The following L3MBTL4 variants were observed in gnomAD, a reference collection of about 807,000 sequenced individuals.
The protein encoded by L3MBTL4 is L3MBTL histone methyl-lysine binding protein 4, also known as lethal(3)malignant brain tumor-like protein 4.
Under a neutral mutation model 84.5 loss-of-function variants are expected in L3MBTL4, and 70 were observed. The ratio of observed to expected loss-of-function variants is 0.83; its 90% CI spans 0.68 to 1.01. L3MBTL4 has a LOEUF of 1.01. Ranked by LOEUF, L3MBTL4 falls within the 50% of genes least tolerant of loss-of-function variation. L3MBTL4 has a pLI of 0.00. For synonymous variants in L3MBTL4, 274 were observed against 259.8 expected, an observed-to-expected ratio of 1.05 and a Z score of -0.52; for missense variants, 715 against 754.8, an observed-to-expected ratio of 0.95 and a Z score of 0.62.
rs553570486 is a variant in L3MBTL4, at chr18:5,997,003, C to T, written c.1445-27441G>A. Among the ~76,000 whole-genome samples, 32 of 141,982 alleles carry T rather than the reference C, an allele frequency of 2.3e-4. 3 individuals carry two copies. The highest frequency in any genetic ancestry group is 1.4e-3 in the Admixed American group (21 of 14,810). 93.1% of individuals were successfully genotyped at this position (141,982 alleles called of 152,430 possible). On this transcript the variant is annotated intron_variant, in intron 16 of 18. Transcript: ENST00000317931. ...GTGCATTTTAGAAGCACAATTGATC[C>T]TCAGTATCCATGTCATGGATTCAAC...
intron 16 of L3MBTL4, among the ~76,000 whole-genome samples, chr18:6,015,353 T>C (rs896501156): frequency 3.9e-5 from 6 of 151,916 alleles, no homozygotes; most frequent in East Asian, 3.9e-4. Context: ...TTTGAGAAGA[T>C]TGCAGAAGGT....
intron 16 of L3MBTL4, among the ~76,000 whole-genome samples, chr18:5,987,812 A>G (rs2053531816): frequency 6.6e-6 from 1 of 152,162 alleles, no homozygotes; most frequent in Non-Finnish European, 1.5e-5. Context: ...ATTCAAATCT[A>G]TTATGCCAAT....
intron 1 of L3MBTL4, among the ~76,000 whole-genome samples, chr18:6,318,664 C>G (rs1389844186): frequency 6.6e-6 from 1 of 151,780 alleles, no homozygotes; most frequent in African/African-American, 2.4e-5. Flanking sequence ...TGAGATAGAA[C>G]AGCAACACAA....
chr18:6,185,984 AT>A (rs1215211191), intron 12 of L3MBTL4, among the ~76,000 whole-genome samples: 1 of 147,806 alleles, frequency 6.8e-6, no homozygotes, highest in African/African-American at 2.6e-5. Flanking sequence ...ATTTTATTTT[AT>A]TTTATTTTAT....
At chr18:5,977,276 C>T (rs548431037) in intron 16 of L3MBTL4, among the ~76,000 whole-genome samples, 28 of 152,334 alleles carry the variant, frequency 1.8e-4, no homozygotes, top group African/African-American at 6.3e-4. Context: ...TCCAGGCAGG[C>T]CTCCGTCTCC....
intron 10 of L3MBTL4, among the ~76,000 whole-genome samples, chr18:6,226,317 A>C (rs2046781526): frequency 6.6e-6 from 1 of 152,116 alleles, no homozygotes; most frequent in Admixed American, 6.5e-5. Flanking sequence ...GAGGCACAAG[A>C]ATCACTTGCA....
chr18:6,180,701 T>C (rs1265998445), intron 12 of L3MBTL4, among the ~76,000 whole-genome samples: 1 of 152,250 alleles, frequency 6.6e-6, no homozygotes, highest in Non-Finnish European at 1.5e-5. Flanking sequence ...TCAAAATTTA[T>C]TAAGCAAAAT....
rs73938761 is a variant in L3MBTL4 at position 6,133,458 on chromosome 18, C to T, written c.1199+4736G>A. Among the ~76,000 whole-genome samples, 407 of 152,230 alleles carry T rather than the reference C, an allele frequency of 2.7e-3. 4 individuals carry two copies. Among genetic ancestry groups the T allele is most frequent in the African/African-American group, 9.4e-3 (392 of 41,538 alleles). ...GTGGCTCCATCAACTCCAGCAGAGT[C>T]CTCGCTAATACAGGGCACCCTCCTA... On this transcript the variant is annotated intron_variant, in intron 14 of 18. Transcript: ENST00000317931.
At chr18:6,213,636 C>T (rs940410468) in intron 11 of L3MBTL4, among the ~76,000 whole-genome samples, 2 of 152,038 alleles carry the variant, frequency 1.3e-5, no homozygotes, top group Non-Finnish European at 2.9e-5. Flanking sequence ...GGTCTTGAAC[C>T]CTTGACCTCA....
intron 16 of L3MBTL4, among the ~76,000 whole-genome samples, chr18:5,998,045 A>G (rs950473505): frequency 4.6e-5 from 7 of 152,126 alleles, no homozygotes; most frequent in African/African-American, 1.4e-4. Flanking sequence ...CAACAAACCA[A>G]ACTAAAACCA....
At chr18:6,034,153 T>A (rs76654388) in intron 16 of L3MBTL4, among the ~76,000 whole-genome samples, 21,208 of 152,118 alleles carry the variant, frequency 0.14, 1,622 homozygotes, top group South Asian at 0.26. Context: ...CTTTTTTTTT[T>A]AATTATTATT....
At chr18:6,027,390 T>C (rs1244101521) in intron 16 of L3MBTL4, among the ~76,000 whole-genome samples, 1 of 152,250 alleles carries the variant, frequency 6.6e-6, no homozygotes, top group African/African-American at 2.4e-5. Flanking sequence ...GGGTGCATAG[T>C]ATTCCATGGT....
intron 13 of L3MBTL4, among the ~76,000 whole-genome samples, chr18:6,148,146 T>C (rs1220163712): frequency 1.3e-5 from 2 of 152,208 alleles, no homozygotes; most frequent in Admixed American, 1.3e-4. Context: ...TACTGATATA[T>C]GGATAAAATG....
intron 12 of L3MBTL4, among the ~76,000 whole-genome samples, chr18:6,189,951 C>T (rs2044989918): frequency 1.3e-5 from 2 of 152,002 alleles, no homozygotes; most frequent in Admixed American, 1.3e-4. Flanking sequence ...AGAAAATGGG[C>T]AGAATCAATG....
intron 14 of L3MBTL4, among the ~76,000 whole-genome samples, chr18:6,134,774 A>G (rs545367265): frequency 1.2e-4 from 18 of 152,274 alleles, no homozygotes; most frequent in Admixed American, 1.2e-3. Flanking sequence ...GGCTGCTTTC[A>G]TAGGCTGGTG....
intron 10 of L3MBTL4, among the ~76,000 whole-genome samples, chr18:6,235,946 G>T (rs951275448): frequency 1.3e-5 from 2 of 151,948 alleles, no homozygotes; most frequent in African/African-American, 2.4e-5. Flanking sequence ...ATTTTAAAAG[G>T]CCTTTATAAA....
chr18:6,130,473 T>C (rs1163255659), intron 14 of L3MBTL4, among the ~76,000 whole-genome samples: 1 of 152,100 alleles, frequency 6.6e-6, no homozygotes, highest in Non-Finnish European at 1.5e-5. Context: ...TAAATGCTCC[T>C]CTTCTATTTG....
intron 9 of L3MBTL4, among the ~76,000 whole-genome samples, chr18:6,239,336 G>A (rs1360914780): frequency 1.0e-4 from 12 of 115,154 alleles, no homozygotes; most frequent in East Asian, 7.3e-4. Context: ...GCGAGACTCC[G>A]TCTCAAAAAA....
chr18:6,230,040 T>G (rs2046930896), intron 10 of L3MBTL4, among the ~76,000 whole-genome samples: 1 of 152,184 alleles, frequency 6.6e-6, no homozygotes, highest in Non-Finnish European at 1.5e-5. Flanking sequence ...AAAGATTAAG[T>G]TGAATCTGCT....
Sources: allele counts gnomAD v4.1 joint callset (sites outside exome capture counted in the v4.1 genomes callset), GRCh38; gene constraint gnomAD v4.1.1; transcripts MANE v1.5; gene names NCBI Gene and HGNC (gene_info 2026-07-23, HGNC 2026-07-21).